NRXN3: variants seen among roughly 807,000 people sequenced by gnomAD.
The protein encoded by NRXN3 is neurexin III.
Under a neutral mutation model 137.6 loss-of-function variants are expected in NRXN3, and 32 were observed. The ratio of observed to expected loss-of-function variants is 0.23; its 90% CI spans 0.18 to 0.31. The LOEUF (loss-of-function observed/expected upper bound fraction) is 0.31, where lower values mean the gene tolerates loss of function less well. Ranked by LOEUF, NRXN3 falls within the 10% of genes least tolerant of loss-of-function variation. The pLI, the probability that NRXN3 is intolerant of heterozygous loss-of-function variation, is 1.00. For synonymous variants in NRXN3, 798 were observed against 784.5 expected (o/e 1.02, Z -0.29); for missense variants, 1,574 against 2,062.5 (o/e 0.76, Z 4.59).
chr14:78,896,055 A>G (rs1313879905), intron 10 of NRXN3, among the ~76,000 whole-genome samples: 2 of 151,956 alleles, frequency 1.3e-5, no homozygotes, highest in Non-Finnish European at 2.9e-5. Flanking sequence ...AATCAGGCAC[A>G]TGCAGTTAGA....
In NRXN3 at chr14:79,250,851, C is replaced by T. The variant is rs147153110; in HGVS notation, c.3263-216370C>T. 4.6e-3 allele frequency among the ~76,000 whole-genome samples: 702 copies of T among 152,270 alleles called. 6 individuals carry two copies. Among genetic ancestry groups the T allele is most frequent in the South Asian group, 0.033 (158 of 4,820 alleles). On this transcript the variant is annotated intron_variant, in intron 15 of 20. Coordinates refer to ENST00000335750, the MANE Select transcript of NRXN3 (RefSeq NM_001330195.2). ...TGAGAGATTTTTGAAATTTGAATAT[C>T]TGATAGACAACATGACTTAAAAGAA...
At chr14:78,177,369 T>A (rs1343081633) in intron 1 of NRXN3, among the ~76,000 whole-genome samples, 1 of 152,030 alleles carries the variant, frequency 6.6e-6, no homozygotes, top group African/African-American at 2.4e-5. Flanking sequence ...TAGACAAGTA[T>A]GAATGTGTGT....
chr14:78,281,527 C>G (rs575348804), intron 3 of NRXN3, among the ~76,000 whole-genome samples: 23 of 152,258 alleles, frequency 1.5e-4, no homozygotes, highest in Non-Finnish European at 2.8e-4. Context: ...GGACTTGGAG[C>G]AAGAGCCCAG....
At chr14:79,851,524 C>T (rs1384250950) in intron 20 of NRXN3, among the ~76,000 whole-genome samples, 4 of 151,996 alleles carry the variant, frequency 2.6e-5, no homozygotes, top group Admixed American at 2.0e-4. Flanking sequence ...AGGGGCGTCC[C>T]ATAGCGGGCA....
chr14:78,861,105 G>T (rs1239077858), intron 10 of NRXN3, among the ~76,000 whole-genome samples: 3 of 151,908 alleles, frequency 2.0e-5, no homozygotes, highest in Non-Finnish European at 4.4e-5. Flanking sequence ...CCACCTTTCT[G>T]CATAAAAGTC....
At chr14:79,522,817 CTT>C (rs1453680802) in intron 16 of NRXN3, among the ~76,000 whole-genome samples, 1 of 152,196 alleles carries the variant, frequency 6.6e-6, no homozygotes, top group African/African-American at 2.4e-5. Flanking sequence ...GAGCACAACT[CTT>C]TATCAAACAC....
chr14:78,844,176 A>G (rs1258676675), intron 10 of NRXN3, among the ~76,000 whole-genome samples: 1 of 152,036 alleles, frequency 6.6e-6, no homozygotes, highest in Non-Finnish European at 1.5e-5. Flanking sequence ...CTCTGCTTCC[A>G]TCCTCACATG....
chr14:79,822,388 G>GT lies in NRXN3; in HGVS notation c.4093+17205dup, dbSNP rs560634554. 1.5e-3 allele frequency among the ~76,000 whole-genome samples: 235 copies of GT among 152,216 alleles called. 1 individual carries two copies. The highest frequency in any genetic ancestry group is 3.0e-3 in the Non-Finnish European group (201 of 68,010). Reference sequence around the variant, plus strand: ...GCCCTATATTTGGATACTGTATCATGTTTTTTTGGATGGCTAAAATCAATG... The same window carrying GT: ...GCCCTATATTTGGATACTGTATCATGTTTTTTTTGGATGGCTAAAATCAATG... On this transcript the variant is annotated intron_variant, in intron 20 of 20. Coordinates refer to ENST00000335750, the MANE Select transcript of NRXN3 (RefSeq NM_001330195.2).
chr14:79,589,541 T>A lies in NRXN3; in HGVS notation c.3445-74237T>A, dbSNP rs114635405. On this transcript the variant is annotated intron_variant, in intron 16 of 20. Transcript: ENST00000335750. ...TGAACACTTAAGAGAGAATAAGGAG[T>A]AGAATACCTAAAAAAAAAAAAAAAA... Among the ~76,000 whole-genome samples, 450 of 48,042 alleles carry A rather than the reference T, an allele frequency of 9.4e-3. 5 individuals are homozygous for A. The highest frequency in any genetic ancestry group is 0.049 in the African/African-American group (413 of 8,382). 31.5% of individuals were successfully genotyped at this position (48,042 alleles called of 152,430 possible).
intron 16 of NRXN3, among the ~76,000 whole-genome samples, chr14:79,494,285 C>T (rs2096745110): frequency 6.6e-6 from 1 of 152,170 alleles, no homozygotes; most frequent in Non-Finnish European, 1.5e-5. Context: ...AGACTTTCTT[C>T]ATTAGCCTCC....
chr14:79,190,397 A>G lies in NRXN3; in HGVS notation c.3262+202256A>G, dbSNP rs369515535. Among the ~76,000 whole-genome samples, 7 of 152,320 alleles carry G rather than the reference A, an allele frequency of 4.6e-5. No individual in the cohort carries two copies. In the South Asian group the frequency reaches 1.4e-3, roughly 32 times the overall value. ...GAAAAAATGAATTTAAGTCTAACTT[A>G]TACATACTTGTGAAACCTCATTCCT... On this transcript the variant is annotated intron_variant, in intron 15 of 20. Transcript: ENST00000335750.
chr14:79,122,091 A>G (rs1271006413), intron 15 of NRXN3, among the ~76,000 whole-genome samples: 1 of 152,128 alleles, frequency 6.6e-6, no homozygotes, highest in Non-Finnish European at 1.5e-5. Flanking sequence ...TTGTCTTGCA[A>G]TGCATTCTGT....
chr14:78,586,137 C>G (rs1276594190), intron 4 of NRXN3, among the ~76,000 whole-genome samples: 1 of 152,198 alleles, frequency 6.6e-6, no homozygotes, highest in Admixed American at 6.5e-5. Flanking sequence ...TTGTCTGTGG[C>G]TGTTGTTGAG....
chr14:78,552,859 A>G (rs1256846914), intron 4 of NRXN3, among the ~76,000 whole-genome samples: 2 of 152,234 alleles, frequency 1.3e-5, no homozygotes, highest in Non-Finnish European at 2.9e-5. Context: ...AATAATTTGA[A>G]TGTTTCTAGC....
At chr14:78,726,680 G>A (rs888970045) in intron 8 of NRXN3, among the ~76,000 whole-genome samples, 5 of 151,498 alleles carry the variant, frequency 3.3e-5, no homozygotes, top group African/African-American at 9.7e-5. Context: ...CATCACACCC[G>A]GCTAATTTTT....
At chr14:78,260,178 A>G (rs1043861537) in intron 2 of NRXN3, among the ~76,000 whole-genome samples, 1 of 152,214 alleles carries the variant, frequency 6.6e-6, no homozygotes, top group African/African-American at 2.4e-5. Context: ...TTAACCAAGC[A>G]ATTATAGAGT....
chr14:79,119,339 A>G (rs1312744697), intron 15 of NRXN3, among the ~76,000 whole-genome samples: 1 of 152,142 alleles, frequency 6.6e-6, no homozygotes, highest in Non-Finnish European at 1.5e-5. Context: ...GCTGCTGATC[A>G]GGCTGAGGTG....
Position 78,601,734 on chromosome 14 carries a change from G to A in NRXN3, c.758-43386G>A, listed in dbSNP as rs377197069. On this transcript the variant is annotated intron_variant, in intron 4 of 20. Transcript: ENST00000335750. ...CTCCCAAAGTGCTGGGATTACAGGT[G>A]TGAGCCACTGTGCCTGGCCTTGATT... 8.5e-5 allele frequency among the ~76,000 whole-genome samples: 13 copies of A among 152,314 alleles called. No homozygotes were observed. The South Asian group carries it at 2.3e-3, about 27-fold the overall frequency.
At chr14:79,720,559 G>A (rs1057375412) in intron 19 of NRXN3, among the ~76,000 whole-genome samples, 9 of 152,044 alleles carry the variant, frequency 5.9e-5, no homozygotes, top group South Asian at 2.1e-4. Flanking sequence ...AACCTTTCTC[G>A]ATGTTCTGGA....
Sources: allele counts gnomAD v4.1 joint callset (sites outside exome capture counted in the v4.1 genomes callset), GRCh38; gene constraint gnomAD v4.1.1; transcripts MANE v1.5; gene names NCBI Gene and HGNC (gene_info 2026-07-23, HGNC 2026-07-21).